CD244: variants seen among roughly 807,000 people sequenced by gnomAD.
CD244 encodes the protein CD244 molecule.
A neutral mutation model predicts 45.5 loss-of-function variants in CD244; 20 were observed. The ratio of observed to expected loss-of-function variants is 0.44; its 90% confidence interval spans 0.31 to 0.64. CD244 has a LOEUF of 0.64. Ranked by LOEUF, CD244 falls within the 30% of genes least tolerant of loss-of-function variation. CD244 has a pLI of 0.08. For missense variants in CD244, 407 were observed against 426.9 expected, an observed-to-expected ratio of 0.95 and a Z score of 0.41; for synonymous variants, 185 against 160.5, an observed-to-expected ratio of 1.15 and a Z score of -1.15.
chr1:160,861,378 G>A (rs192404040), intron 1 of CD244, among the ~76,000 whole-genome samples: 2 of 152,310 alleles, frequency 1.3e-5, no homozygotes, highest in Admixed American at 6.5e-5. Flanking sequence ...ACTGAATTGA[G>A]TACCTGGGCA....
chr1:160,831,511 T>C (rs1301869829), intron 8 of CD244, 84 bp from the exon 9 acceptor site: 26 of 945,088 alleles, frequency 2.8e-5, no homozygotes, highest in Non-Finnish European at 4.4e-5. Context: ...GCCATCCCCA[T>C]TTTACAGATT....
At chr1:160,832,854 A>ATG (rs1669176197) in intron 7 of CD244, 1 of 244,602 alleles carries the variant, frequency 4.1e-6, no homozygotes, top group African/African-American at 6.1e-5. Context: ...ACCCATACAC[A>ATG]TATGTGTGTG....
Position 160,834,117 on chromosome 1 carries a change from C to T in CD244, c.895-1G>A, listed in dbSNP as rs1028791450. 6.3e-7 allele frequency: 1 copy of T among 1,591,000 alleles called. No homozygotes were observed. The highest frequency in any genetic ancestry group is 1.7e-5 in the Admixed American group (1 of 59,972). The stretch of plus-strand genomic sequence containing the variant: ...GTTCTTGTGACGTGGGAGCAGAAGA[C>T]TAATGAGAAGAGAAATAAAATCATT... On this transcript the variant is annotated splice_acceptor_variant, in intron 6 of 8. Transcript: ENST00000368034. LOFTEE classifies it high-confidence loss of function.
At chr1:160,838,387 A>G (rs2101867180) in intron 5 of CD244, 64 bp downstream of exon 5, 5 of 1,148,186 alleles carry the variant, frequency 4.4e-6, no homozygotes, top group South Asian at 1.2e-5. Flanking sequence ...GCTCTGAATA[A>G]CCATCATTGA....
chr1:160,836,875 G>A (rs1270653412), intron 5 of CD244, among the ~76,000 whole-genome samples: 1 of 152,212 alleles, frequency 6.6e-6, no homozygotes, highest in African/African-American at 2.4e-5. Flanking sequence ...AGTGGAGGCA[G>A]CAGGGTTCAT....
At chr1:160,834,171 CA>C in intron 6 of CD244, 55 bp from the exon 7 acceptor site, 1 of 1,273,804 alleles carries the variant, frequency 7.9e-7, no homozygotes, top group Non-Finnish European at 1.1e-6. Context: ...CACAATCTTA[CA>C]AAGGTTATCT....
At chr1:160,842,787 C>G (rs1669588009) in intron 1 of CD244, among the ~76,000 whole-genome samples, 1 of 152,166 alleles carries the variant, frequency 6.6e-6, no homozygotes, top group Non-Finnish European at 1.5e-5. Flanking sequence ...CCAGCACTTG[C>G]CTCTCAAAGA....
At chr1:160,851,851 T>C (rs1669930968) in intron 1 of CD244, among the ~76,000 whole-genome samples, 2 of 152,222 alleles carry the variant, frequency 1.3e-5, no homozygotes, top group Admixed American at 6.5e-5. Context: ...ACAACAAATG[T>C]TTCTTTAACA....
chr1:160,836,124 G>A lies in CD244; in HGVS notation c.894+71C>T, dbSNP rs151216658. The A allele has an allele frequency of 8.8e-3, 9,857 of 1,120,164 alleles. 55 individuals carry two copies. The highest frequency in any genetic ancestry group is 0.011 in the Non-Finnish European group (8,302 of 731,710). 69.4% of individuals were successfully genotyped at this position (1,120,164 alleles called of 1,614,324 possible). On this transcript the variant is annotated intron_variant, in intron 6 of 8. Transcript: ENST00000368034. ...AGATCTTATTCTGCCATTCAATGGT[G>A]TGAGTTTCAGGGGGGCATTAGGAAA...
intron 1 of CD244, among the ~76,000 whole-genome samples, chr1:160,847,411 T>G (rs1669774083): frequency 6.6e-6 from 1 of 152,132 alleles, no homozygotes; most frequent in Admixed American, 6.5e-5. Context: ...TCTTTTCAAG[T>G]GCACATGCAA....
At chr1:160,834,586 C>T (rs973053763) in intron 6 of CD244, among the ~76,000 whole-genome samples, 9 of 152,260 alleles carry the variant, frequency 5.9e-5, no homozygotes, top group East Asian at 1.9e-4. Flanking sequence ...CCCCTGACCT[C>T]GTGATCCGCC....
intron 4 of CD244, 142 bp downstream of exon 4, chr1:160,838,797 C>G: frequency 3.1e-6 from 2 of 641,088 alleles, no homozygotes; most frequent in East Asian, 2.7e-5. Flanking sequence ...GCTTGCCCCC[C>G]GCCACCACGC....
chr1:160,835,363 C>T (rs775002389), intron 6 of CD244, among the ~76,000 whole-genome samples: 8 of 152,132 alleles, frequency 5.3e-5, no homozygotes, highest in Non-Finnish European at 7.3e-5. Flanking sequence ...TATCAGTTGA[C>T]CTGAGTCTCG....
At chr1:160,836,275 G>T in intron 5 of CD244, 21 bp from the exon 6 acceptor site, 1 of 1,601,832 alleles carries the variant, frequency 6.2e-7, no homozygotes, top group Non-Finnish European at 8.6e-7. Context: ...AATGGAGATG[G>T]GGTAACATGA....
At position 160,836,897 on chromosome 1, in the gene CD244, C is replaced by T. The variant is rs188092984; in HGVS notation, c.835-643G>A. Among the ~76,000 whole-genome samples the T allele has an allele frequency of 8.3e-4, 127 of 152,300 alleles. 1 individual carries two copies. The highest frequency in any genetic ancestry group is 1.6e-3 in the Non-Finnish European group (111 of 68,026). On this transcript the variant is annotated intron_variant, in intron 5 of 8. Coordinates refer to ENST00000368034, the MANE Select transcript of CD244 (RefSeq NM_016382.4). ...GCAGCAGGGTTCATTAGGCAAGGTG[C>T]AAGCAAAATTCCTGGAAGCAAGAAG...
In CD244 at chr1:160,841,238, G is replaced by A. The variant is rs772925876; in HGVS notation, c.627C>T (p.Leu209=). 6.2e-7 allele frequency: 1 copy of A among 1,614,198 alleles called. No individual in the cohort carries two copies. The highest frequency in any genetic ancestry group is 8.5e-7 in the Non-Finnish European group (1 of 1,180,008). ...PVSWESHTLN[L]TQDCQNAHQE... ...GATGGGCATTCTGACAGTCCTGAGTGAGATTCAGGGTGTGGCTTTCCCAGC... is the reference window on the plus strand; with the variant it reads ...GATGGGCATTCTGACAGTCCTGAGTAAGATTCAGGGTGTGGCTTTCCCAGC... Residue 209 remains leucine, a synonymous_variant, in exon 3 of 9, where the codon CTC becomes CTT. Transcript: ENST00000368034.
intron 1 of CD244, among the ~76,000 whole-genome samples, chr1:160,852,386 C>T (rs1397442642): frequency 2.0e-5 from 3 of 149,510 alleles, no homozygotes; most frequent in African/African-American, 7.4e-5. Flanking sequence ...CCCATCTCTA[C>T]TAAAAATGCA....
At chr1:160,855,398 T>C (rs1327991953) in intron 1 of CD244, among the ~76,000 whole-genome samples, 1 of 152,134 alleles carries the variant, frequency 6.6e-6, no homozygotes, top group Non-Finnish European at 1.5e-5. Flanking sequence ...AGGAAGATGG[T>C]TGGAATGAGT....
intron 1 of CD244, among the ~76,000 whole-genome samples, chr1:160,855,795 G>A (rs1408112617): frequency 6.6e-6 from 1 of 152,146 alleles, no homozygotes; most frequent in African/African-American, 2.4e-5. Context: ...GAGGGCAGAG[G>A]GCAGATGATT....
Sources: gnomAD v4.1 joint callset for allele counts (sites outside exome capture counted in the v4.1 genomes callset) on GRCh38, gnomAD v4.1.1 for gene constraint, MANE v1.5 for transcripts, NCBI Gene and HGNC (gene_info 2026-07-23, HGNC 2026-07-21) for gene names.